DNAJC15: variants seen among roughly 807,000 people sequenced by gnomAD.
DNAJC15 encodes dnaJ homolog subfamily C member 15.
Under a neutral mutation model 22.4 loss-of-function variants are expected in DNAJC15, and 27 were observed. That is an observed-to-expected ratio of 1.20 (90% CI 0.89 to 1.66). DNAJC15 has a LOEUF of 1.66. DNAJC15 is among the 40% of genes most tolerant of loss of function. The pLI, the probability that DNAJC15 is intolerant of heterozygous loss-of-function variation, is 0.00. For synonymous variants in DNAJC15, 79 were observed against 63.2 expected (o/e 1.25, Z -1.19); for missense variants, 208 against 187.1 (o/e 1.11, Z -0.65).
At chr13:43,075,460 T>C (rs577584396) in intron 3 of DNAJC15, among the ~76,000 whole-genome samples, 2 of 152,332 alleles carry the variant, frequency 1.3e-5, no homozygotes, top group Admixed American at 6.5e-5. Flanking sequence ...TAAAGACTCA[T>C]TGAAATATTT....
chr13:43,027,976 G>GT, intron 1 of DNAJC15, among the ~76,000 whole-genome samples: 1 of 152,208 alleles, frequency 6.6e-6, no homozygotes, highest in South Asian at 2.1e-4. Flanking sequence ...CTTTCCCACT[G>GT]TTTTTTACAC....
intron 1 of DNAJC15, among the ~76,000 whole-genome samples, chr13:43,032,081 G>A (rs903636570): frequency 6.6e-6 from 1 of 152,234 alleles, no homozygotes; most frequent in Non-Finnish European, 1.5e-5. Context: ...AACCACGGAT[G>A]TCTGTTCAGG....
In DNAJC15 at chr13:43,109,243, A is replaced by C. The variant is rs1287410043; in HGVS notation, c.*1995A>C. ...GCTATAGCTTGGTACCTTGTGAAGC[A>C]ACTCTTGGTGTAACATACCTTATTT... On this transcript the variant is annotated 3_prime_UTR_variant, in exon 6 of 6. Coordinates refer to ENST00000379221, the MANE Select transcript of DNAJC15 (RefSeq NM_013238.3). 1 of 152,194 alleles carries C rather than the reference A, an allele frequency of 6.6e-6. No individual in the cohort carries two copies. The highest frequency in any genetic ancestry group is 1.5e-5 in the Non-Finnish European group (1 of 68,026). The allele number at this position is 152,194 out of a possible 1,614,324, so 9.4% of individuals were successfully genotyped here.
intron 4 of DNAJC15, 46 bp from the exon 5 acceptor site, chr13:43,085,721 CT>C (rs886310745): frequency 4.7e-6 from 7 of 1,503,616 alleles, no homozygotes; most frequent in Non-Finnish European, 6.4e-6. Flanking sequence ...AATTTATAAT[CT>C]GCATTTGATG....
chr13:43,071,508 C>G (rs1035092128), intron 3 of DNAJC15, among the ~76,000 whole-genome samples: 6 of 152,150 alleles, frequency 3.9e-5, no homozygotes, highest in Non-Finnish European at 7.3e-5. Context: ...AGGAAAGATG[C>G]AAGTACTTTT....
chr13:43,063,108 C>T (rs1197384115), intron 1 of DNAJC15, among the ~76,000 whole-genome samples: 1 of 152,154 alleles, frequency 6.6e-6, no homozygotes, highest in East Asian at 1.9e-4. Flanking sequence ...CTTCCAGGTT[C>T]AAGTGACTCT....
intron 1 of DNAJC15, among the ~76,000 whole-genome samples, chr13:43,046,933 G>A (rs2040480149): frequency 6.6e-6 from 1 of 152,282 alleles, no homozygotes; most frequent in South Asian, 2.1e-4. Flanking sequence ...ACGGCTAAGT[G>A]CCCTAATCGA....
At chr13:43,045,884 ATTGT>A (rs1177805903) in intron 1 of DNAJC15, among the ~76,000 whole-genome samples, 1 of 152,122 alleles carries the variant, frequency 6.6e-6, no homozygotes, top group African/African-American at 2.4e-5. Context: ...TCCTGTTAAA[ATTGT>A]TTGTTGTCTG....
At chr13:43,098,008 G>GA (rs1346593672) in intron 5 of DNAJC15, among the ~76,000 whole-genome samples, 1 of 152,116 alleles carries the variant, frequency 6.6e-6, no homozygotes. Context: ...TCAGGGGTAA[G>GA]AAAAAATGAG....
intron 2 of DNAJC15, among the ~76,000 whole-genome samples, chr13:43,066,878 T>A (rs1211951218): frequency 6.6e-6 from 1 of 152,086 alleles, no homozygotes; most frequent in Admixed American, 6.5e-5. Context: ...CTCGGCCTCC[T>A]AAAGGGCTGG....
intron 1 of DNAJC15, among the ~76,000 whole-genome samples, chr13:43,029,717 C>T (rs983835509): frequency 1.3e-5 from 2 of 152,062 alleles, no homozygotes; most frequent in African/African-American, 4.8e-5. Flanking sequence ...AGATACCTGA[C>T]ATGGCCCATT....
chr13:43,096,542 A>G (rs1208103106), intron 5 of DNAJC15, among the ~76,000 whole-genome samples: 2 of 152,218 alleles, frequency 1.3e-5, no homozygotes, highest in African/African-American at 4.8e-5. Context: ...GCAATTATTC[A>G]TTCAACAAAA....
At chr13:43,089,077 C>G (rs575047866) in intron 5 of DNAJC15, among the ~76,000 whole-genome samples, 1 of 152,100 alleles carries the variant, frequency 6.6e-6, no homozygotes, top group East Asian at 1.9e-4. Context: ...ACTCTAAATT[C>G]GTAAGTTTTT....
In DNAJC15 at chr13:43,110,471, C is replaced by T. The variant is rs2040819472; in HGVS notation, c.*3223C>T. 3 of 151,992 alleles carry T rather than the reference C, an allele frequency of 2.0e-5. No homozygotes were observed. Among genetic ancestry groups the T allele is most frequent in the African/African-American group, 7.2e-5 (3 of 41,392 alleles). 9.4% of individuals were successfully genotyped at this position (151,992 alleles called of 1,614,324 possible). A position where few individuals can be genotyped will look rare whatever the true frequency, so the allele number is the denominator to read the frequency against. ...AGGACAGGTTTGGGATTTTTTTTCC[C>T]CCTTGAGTCTGTGAAGGCATTACTT... On this transcript the variant is annotated 3_prime_UTR_variant, in exon 6 of 6. Transcript: ENST00000379221.
intron 1 of DNAJC15, among the ~76,000 whole-genome samples, chr13:43,033,015 A>G (rs1484558738): frequency 1.3e-5 from 2 of 152,160 alleles, no homozygotes; most frequent in African/African-American, 4.8e-5. Context: ...AGCGGGAGGA[A>G]GACAGAGACA....
At chr13:43,063,534 TTATTGTTAG>T (rs1197891642) in intron 1 of DNAJC15, among the ~76,000 whole-genome samples, 1 of 152,244 alleles carries the variant, frequency 6.6e-6, no homozygotes, top group Non-Finnish European at 1.5e-5. Flanking sequence ...CATTCTGTTG[TTATTGTTAG>T]TATTCTCTGG....
intron 4 of DNAJC15, among the ~76,000 whole-genome samples, chr13:43,082,247 A>G (rs948684863): frequency 6.6e-6 from 1 of 152,032 alleles, no homozygotes; most frequent in Admixed American, 6.5e-5. Context: ...ACCACTCCAC[A>G]TACCCCCACT....
At chr13:43,031,745 A>G (rs1480615493) in intron 1 of DNAJC15, among the ~76,000 whole-genome samples, 1 of 152,248 alleles carries the variant, frequency 6.6e-6, no homozygotes, top group Admixed American at 6.5e-5. Flanking sequence ...GCAAAGTCAC[A>G]CATTTGAGAA....
intron 1 of DNAJC15, among the ~76,000 whole-genome samples, chr13:43,061,433 G>A (rs963861085): frequency 4.6e-5 from 7 of 152,198 alleles, no homozygotes; most frequent in Non-Finnish European, 7.3e-5. Flanking sequence ...TGTCCTGAGC[G>A]ATGGGATCTG....
Sources: gnomAD v4.1 joint callset for allele counts (sites outside exome capture counted in the v4.1 genomes callset) on GRCh38, gnomAD v4.1.1 for gene constraint, MANE v1.5 for transcripts, NCBI Gene and HGNC (gene_info 2026-07-23, HGNC 2026-07-21) for gene names.